MAGI1: variants seen among roughly 807,000 people sequenced by gnomAD.
MAGI1 encodes membrane-associated guanylate kinase, WW and PDZ domain-containing protein 1.
A neutral mutation model predicts 139.9 loss-of-function variants in MAGI1; 58 were observed. The observed-to-expected ratio is 0.41, with a 90% CI of 0.34 to 0.52. The LOEUF (loss-of-function observed/expected upper bound fraction) is 0.52, where lower values mean the gene tolerates loss of function less well. Ranked by LOEUF, MAGI1 falls within the 20% of genes least tolerant of loss-of-function variation. The pLI is 0.12. For missense variants in MAGI1, 1,874 were observed against 1,901.6 expected, an observed-to-expected ratio of 0.99 and a Z score of 0.27; for synonymous variants, 812 against 737.9, an observed-to-expected ratio of 1.10 and a Z score of -1.63.
chr3:65,683,312 C>CA (rs1206797725), intron 1 of MAGI1, among the ~76,000 whole-genome samples: 3 of 152,094 alleles, frequency 2.0e-5, no homozygotes, highest in Admixed American at 6.5e-5. Context: ...AATGATGTGT[C>CA]AGTGTATGTT....
intron 12 of MAGI1, among the ~76,000 whole-genome samples, chr3:65,420,366 C>G (rs1559539534): frequency 6.6e-6 from 1 of 152,054 alleles, no homozygotes; most frequent in East Asian, 1.9e-4. Flanking sequence ...CAAGTTTCAC[C>G]TCTAATCTAC....
At chr3:65,721,154 C>T (rs999898855) in intron 1 of MAGI1, among the ~76,000 whole-genome samples, 5 of 152,146 alleles carry the variant, frequency 3.3e-5, no homozygotes, top group Admixed American at 1.3e-4. Context: ...CGCCCTATTG[C>T]TTTTAACTAA....
At chr3:65,869,369 TGTTGTTGTTGTTGTTGTTG>T (rs1559961179) in intron 1 of MAGI1, among the ~76,000 whole-genome samples, 1 of 37,230 alleles carries the variant, frequency 2.7e-5, no homozygotes, top group African/African-American at 1.0e-4. Flanking sequence ...ACTGGTTTTT[TGTTGTTGTTGTTGTTGTTG>T]TTGTTGTTGT....
In MAGI1 at chr3:65,374,677, A is replaced by T. The variant is rs563387725; in HGVS notation, c.3196+1068T>A. On this transcript the variant is annotated intron_variant, in intron 18 of 22. Transcript: ENST00000402939. ...TGAGTATTGGTATTTTGTGCTGGGT[A>T]ACTTTTTATTGTGAGGGCTGTTCTG... 4.6e-5 allele frequency among the ~76,000 whole-genome samples: 7 copies of T among 152,258 alleles called. No homozygotes were observed. In the East Asian group the frequency reaches 1.4e-3, roughly 30 times the overall value.
chr3:65,357,177 C>A, intron 22 of MAGI1, 45 bp from the exon 23 acceptor site: 1 of 1,554,992 alleles, frequency 6.4e-7, no homozygotes, highest in Non-Finnish European at 8.7e-7. Flanking sequence ...ACGAAGGTCC[C>A]TCGGCTCCTG....
chr3:65,714,866 C>T (rs985721242), intron 1 of MAGI1, among the ~76,000 whole-genome samples: 2 of 152,126 alleles, frequency 1.3e-5, no homozygotes, highest in Non-Finnish European at 2.9e-5. Context: ...CCAAGCCTGG[C>T]AGTTTCTTCT....
intron 2 of MAGI1, among the ~76,000 whole-genome samples, chr3:65,501,913 A>T (rs1053128832): frequency 6.6e-6 from 1 of 152,212 alleles, no homozygotes; most frequent in African/African-American, 2.4e-5. Flanking sequence ...CACATACATT[A>T]TGCTCAGGGA....
intron 1 of MAGI1, among the ~76,000 whole-genome samples, chr3:65,709,559 C>G (rs1240282273): frequency 6.6e-6 from 1 of 152,044 alleles, no homozygotes; most frequent in Non-Finnish European, 1.5e-5. Flanking sequence ...GCAAAGATAC[C>G]AAATTAGAGA....
chr3:65,371,318 CT>C (rs1398243702), intron 18 of MAGI1, among the ~76,000 whole-genome samples: 2 of 152,192 alleles, frequency 1.3e-5, no homozygotes, highest in African/African-American at 2.4e-5. Flanking sequence ...AATTCTTTGG[CT>C]TCCCAGTGCA....
At chr3:66,020,020 A>C (rs1232965983) in intron 1 of MAGI1, among the ~76,000 whole-genome samples, 1 of 152,174 alleles carries the variant, frequency 6.6e-6, no homozygotes, top group Admixed American at 6.5e-5. Flanking sequence ...CATAAGCATC[A>C]ATGATTAGGG....
chr3:65,549,271 C>G, intron 2 of MAGI1: 127 of 301,884 alleles, frequency 4.2e-4, no homozygotes, highest in Non-Finnish European at 5.3e-4. Flanking sequence ...ACTTCCTCGC[C>G]TTCTCCTTCC....
chr3:65,735,325 G>A (rs1329250916), intron 1 of MAGI1, among the ~76,000 whole-genome samples: 1 of 150,438 alleles, frequency 6.6e-6, no homozygotes, highest in African/African-American at 2.5e-5. Flanking sequence ...TTTAAAAGTG[G>A]ATAAAGCCTG....
chr3:65,558,465 C>T (rs1313376845), intron 2 of MAGI1, among the ~76,000 whole-genome samples: 4 of 152,176 alleles, frequency 2.6e-5, no homozygotes, highest in Non-Finnish European at 5.9e-5. Flanking sequence ...GCCTGGGCAA[C>T]ATAGCATGAC....
At chr3:65,458,280 C>G (rs1439508100) in intron 5 of MAGI1, among the ~76,000 whole-genome samples, 1 of 151,766 alleles carries the variant, frequency 6.6e-6, no homozygotes, top group African/African-American at 2.4e-5. Context: ...GGTATCTCTT[C>G]AATATACTGA....
intron 1 of MAGI1, among the ~76,000 whole-genome samples, chr3:65,871,182 C>A (rs1455173287): frequency 1.3e-5 from 2 of 152,012 alleles, no homozygotes; most frequent in African/African-American, 4.8e-5. Flanking sequence ...AGCAAACCAC[C>A]CTCCTCCACC....
At chr3:65,881,535 G>A (rs947744169) in intron 1 of MAGI1, among the ~76,000 whole-genome samples, 1 of 152,000 alleles carries the variant, frequency 6.6e-6, no homozygotes, top group African/African-American at 2.4e-5. Flanking sequence ...GCTGAGGCAG[G>A]GGCATCACTT....
rs142202153 is a variant in MAGI1 at position 65,752,616 on chromosome 3, G to A, written c.314-130528C>T. On this transcript the variant is annotated intron_variant, in intron 1 of 22. Coordinates refer to ENST00000402939, the MANE Select transcript of MAGI1 (RefSeq NM_001033057.2). ...GTCATGCAGGCATGTATTTTTGGTTGAGGACAAGGCCTTGATGTGTGTTCA... is the reference window on the plus strand; with the variant it reads ...GTCATGCAGGCATGTATTTTTGGTTAAGGACAAGGCCTTGATGTGTGTTCA... 7.3e-4 allele frequency among the ~76,000 whole-genome samples: 111 copies of A among 152,296 alleles called. 1 individual carries two copies. The highest frequency in any genetic ancestry group is 2.6e-3 in the African/African-American group (108 of 41,566).
intron 1 of MAGI1, among the ~76,000 whole-genome samples, chr3:65,959,455 T>C (rs990617062): frequency 1.3e-5 from 2 of 152,030 alleles, no homozygotes; most frequent in African/African-American, 4.8e-5. Flanking sequence ...TTTTTGTTAT[T>C]TTGGTTTTTC....
At chr3:65,609,773 C>G (rs2082947685) in intron 2 of MAGI1, 1 of 343,566 alleles carries the variant, frequency 2.9e-6, no homozygotes, top group East Asian at 1.1e-4. Context: ...GATGGGGTCT[C>G]CCAATGTTGC....
Sources: gnomAD v4.1 joint callset for allele counts (sites outside exome capture counted in the v4.1 genomes callset) on GRCh38, gnomAD v4.1.1 for gene constraint, MANE v1.5 for transcripts, NCBI Gene and HGNC (gene_info 2026-07-23, HGNC 2026-07-21) for gene names.